Variants in ATP2C2 observed in about 807,000 individuals in gnomAD.
The protein encoded by ATP2C2 is ATPase secretory pathway Ca2+ transporting 2.
A neutral mutation model predicts 110.8 loss-of-function variants in ATP2C2; 171 were observed. That is an observed-to-expected ratio of 1.54 (90% CI 1.36 to 1.75). The LOEUF (loss-of-function observed/expected upper bound fraction) is 1.75. Ranked by LOEUF, ATP2C2 falls within the 40% of genes most tolerant of loss-of-function variation. ATP2C2 has a pLI of 0.00. For missense variants in ATP2C2, 1,963 were observed against 1,235.0 expected (o/e 1.59, Z -8.84); for synonymous variants, 804 against 508.4 (o/e 1.58, Z -7.82).
In ATP2C2 at chr16:84,453,305, C is replaced by T; in HGVS notation, c.1930-16C>T. 1.2e-6 allele frequency: 2 copies of T among 1,614,122 alleles called. No homozygotes were observed. The highest frequency in any genetic ancestry group is 1.7e-6 in the Non-Finnish European group (2 of 1,180,020). On this transcript the variant is annotated splice_polypyrimidine_tract_variant and intron_variant, in intron 19 of 26. Transcript: ENST00000262429. ...TTTGAAATCTGATTCTTCGTCTTCC[C>T]CGTCTCCGTGTCCAGGTGTCCGTGT...
At chr16:84,434,463 C>A (rs1908566726) in intron 11 of ATP2C2, among the ~76,000 whole-genome samples, 1 of 151,874 alleles carries the variant, frequency 6.6e-6, no homozygotes, top group African/African-American at 2.4e-5. Context: ...TGTTAAGTGA[C>A]ATTCAAGATG....
chr16:84,446,510 A>T (rs1164666978), intron 16 of ATP2C2, 80 bp downstream of exon 16: 1 of 1,025,676 alleles, frequency 9.7e-7, no homozygotes, highest in African/African-American at 1.7e-5. Context: ...GCAGACTTCA[A>T]GGATAATTTG....
At position 84,449,967 on chromosome 16, in the gene ATP2C2, C is replaced by T. The variant is rs3785066; in HGVS notation, c.1660+1278C>T. On this transcript the variant is annotated intron_variant, in intron 17 of 26. Transcript: ENST00000262429. ...GCCTGTGTGAGGCCACGCCCTGAAT[C>T]CCCACCGGGCAGAGGAGCCGGCCCA... Among the ~76,000 whole-genome samples the T allele has an allele frequency of 3.0e-4, 45 of 152,348 alleles. 1 individual carries two copies. In the East Asian group the frequency reaches 6.6e-3, roughly 22 times the overall value.
chr16:84,390,708 G>C (rs1250900220), intron 1 of ATP2C2, among the ~76,000 whole-genome samples: 1 of 152,158 alleles, frequency 6.6e-6, no homozygotes, highest in East Asian at 1.9e-4. Flanking sequence ...GCTCCACGTG[G>C]TGCCTGCACA....
chr16:84,402,461 C>T (rs970106924), intron 2 of ATP2C2, among the ~76,000 whole-genome samples: 1 of 152,150 alleles, frequency 6.6e-6, no homozygotes, highest in African/African-American at 2.4e-5. Context: ...GCTTTTATTA[C>T]ATTGAGACAT....
Position 84,396,735 on chromosome 16 carries a change from A to G in ATP2C2, c.100-1764A>G, listed in dbSNP as rs111432442. On this transcript the variant is annotated intron_variant, in intron 1 of 26. Transcript: ENST00000262429. Reference sequence around the variant, plus strand: ...GGAGCAGATCTTGAGAATGGGGGGAAAAGTCTTGTGCAATCCACATTTTTC... The same window carrying G: ...GGAGCAGATCTTGAGAATGGGGGGAGAAGTCTTGTGCAATCCACATTTTTC... Among the ~76,000 whole-genome samples the G allele has an allele frequency of 5.5e-4, 84 of 151,764 alleles. 3 individuals carry two copies. The highest frequency in any genetic ancestry group is 3.4e-3 in the Middle Eastern group (1 of 294).
In ATP2C2 at chr16:84,459,332, A is replaced by G. The variant is rs779953850; in HGVS notation, c.2279A>G (p.Asn760Ser). ...STVFNLPSPL[N>S]AMQILWINII... Reference sequence around the variant, plus strand: ...GTGTTCAACCTGCCCAGCCCCCTCAACGCCATGCAGATCCTATGGATCAAC... The same window carrying G: ...GTGTTCAACCTGCCCAGCCCCCTCAGCGCCATGCAGATCCTATGGATCAAC... Residue 760 changes from asparagine (N) to serine (S), a missense_variant, in exon 23 of 27, where the codon AAC becomes AGC. Physicochemically the swap from Asn to Ser is conservative, Grantham distance 46. Transcript: ENST00000262429. 5.0e-6 allele frequency: 8 copies of G among 1,614,050 alleles called. No homozygotes were observed. The East Asian group carries it at 1.1e-4, about 22-fold the overall frequency.
At chr16:84,431,119 G>T (rs1908241009) in intron 11 of ATP2C2, among the ~76,000 whole-genome samples, 1 of 152,074 alleles carries the variant, frequency 6.6e-6, no homozygotes, top group African/African-American at 2.4e-5. Flanking sequence ...AAAAGTGAAT[G>T]TTAACAATTT....
At chr16:84,445,791 C>T (rs1280223052) in intron 15 of ATP2C2, among the ~76,000 whole-genome samples, 3 of 152,194 alleles carry the variant, frequency 2.0e-5, no homozygotes, top group South Asian at 2.1e-4. Flanking sequence ...TTTTTGTGCC[C>T]CTGCTGCACC....
intron 1 of ATP2C2, among the ~76,000 whole-genome samples, chr16:84,394,472 C>T (rs1904853328): frequency 6.6e-6 from 1 of 152,166 alleles, no homozygotes; most frequent in South Asian, 2.1e-4. Context: ...TGGCTTCTTC[C>T]GCTTAGTGTG....
chr16:84,373,240 C>G (rs1224061678), intron 1 of ATP2C2, among the ~76,000 whole-genome samples: 2 of 152,180 alleles, frequency 1.3e-5, no homozygotes, highest in Admixed American at 1.3e-4. Context: ...TGGCTTACGC[C>G]TGTAATCCCA....
intron 7 of ATP2C2, among the ~76,000 whole-genome samples, chr16:84,415,869 C>G (rs549666406): frequency 6.6e-6 from 1 of 152,162 alleles, no homozygotes; most frequent in African/African-American, 2.4e-5. Context: ...CAAATTAAAC[C>G]AAGGTGGGCT....
intron 1 of ATP2C2, among the ~76,000 whole-genome samples, chr16:84,371,441 G>A (rs1405383743): frequency 6.6e-6 from 1 of 152,150 alleles, no homozygotes; most frequent in African/African-American, 2.4e-5. Flanking sequence ...GGAGGTCAAG[G>A]CTGCAGTGAG....
At position 84,408,439 on chromosome 16, in the gene ATP2C2, C is replaced by G. The variant is rs201759593; in HGVS notation, c.362C>G (p.Ser121Cys). The change falls in exon 4 of 27, where the codon TCT (serine) becomes TGT (cysteine). Residue 121 changes from serine (S) to cysteine (C), a missense_variant. Coordinates refer to ENST00000262429, the MANE Select transcript of ATP2C2 (RefSeq NM_014861.4). ...CCCCTGATCCTGCTGCTGCTGGGCT[C>G]TGCCCTGGTGAGTGTCCTCACCAAG... The part of the protein sequence containing the change: ...KNPLILLLLG[S>C]ALVSVLTKEY... 3 of 1,613,922 alleles carry G rather than the reference C, an allele frequency of 1.9e-6. No homozygotes were observed. Among genetic ancestry groups the G allele is most frequent in the Non-Finnish European group, 1.7e-6 (2 of 1,180,028 alleles).
chr16:84,378,886 C>T (rs74038515), intron 1 of ATP2C2, among the ~76,000 whole-genome samples: 2 of 152,072 alleles, frequency 1.3e-5, no homozygotes, highest in Non-Finnish European at 2.9e-5. Flanking sequence ...GCTGGAGACA[C>T]CAGCAAGCTC....
Position 84,440,845 on chromosome 16 carries a change from C to G in ATP2C2, c.1210-12C>G. The stretch of plus-strand genomic sequence containing the variant: ...CTCTTGGCGAAACCCTTTCTTCTGC[C>G]TCGCCCTGCAGGTCAGCGGAGTTGG... On this transcript the variant is annotated splice_polypyrimidine_tract_variant and intron_variant, in intron 13 of 26. Transcript: ENST00000262429. 6.2e-7 allele frequency: 1 copy of G among 1,605,290 alleles called. No individual in the cohort carries two copies. Among genetic ancestry groups the G allele is most frequent in the Non-Finnish European group, 8.5e-7 (1 of 1,174,358 alleles).
At chr16:84,397,343 G>T (rs569796809) in intron 1 of ATP2C2, among the ~76,000 whole-genome samples, 1 of 151,632 alleles carries the variant, frequency 6.6e-6, no homozygotes, top group African/African-American at 2.4e-5. Context: ...CCTATCATCA[G>T]TAGGAGGCAC....
At chr16:84,436,322 G>C (rs931185489) in intron 11 of ATP2C2, among the ~76,000 whole-genome samples, 1 of 152,228 alleles carries the variant, frequency 6.6e-6, no homozygotes, top group Non-Finnish European at 1.5e-5. Flanking sequence ...TGGTGACTTG[G>C]TGGTGGCTCT....
Position 84,459,251 on chromosome 16 carries a change from G to T in ATP2C2, c.2217-19G>T, listed in dbSNP as rs747209637. On this transcript the variant is annotated intron_variant, in intron 22 of 26. Coordinates refer to ENST00000262429, the MANE Select transcript of ATP2C2 (RefSeq NM_014861.4). ...CACGCCTGGCGGGCGGCCGCTGACT[G>T]GCTGCGTGTGCCCCGCAGGAGCATC... 1.2e-6 allele frequency: 2 copies of T among 1,614,034 alleles called. No homozygotes were observed. The highest frequency in any genetic ancestry group is 1.1e-5 in the South Asian group (1 of 91,076).
Sources: gnomAD v4.1 joint callset for allele counts (sites outside exome capture counted in the v4.1 genomes callset) on GRCh38, gnomAD v4.1.1 for gene constraint, MANE v1.5 for transcripts, NCBI Gene and HGNC (gene_info 2026-07-23, HGNC 2026-07-21) for gene names.